The following BDP1 variants were observed in gnomAD, a reference collection of about 807,000 sequenced individuals.
The protein encoded by BDP1 is BDP1 general transcription factor IIIB subunit.
In BDP1, 169 loss-of-function variants were observed where a neutral mutation model predicts 266.6. The ratio of observed to expected loss-of-function variants is 0.63; its 90% CI spans 0.56 to 0.72. The LOEUF is 0.72. Among genes scored for constraint, BDP1 ranks in the 30% least tolerant of loss-of-function variants. The pLI, the probability that BDP1 is intolerant of heterozygous loss-of-function variation, is 0.00. For missense variants in BDP1, 3,015 were observed against 3,053.8 expected (o/e 0.99, Z 0.30); for synonymous variants, 1,090 against 1,022.4 (o/e 1.07, Z -1.26).
At chr5:71,499,954 C>G (rs1764128656) in intron 13 of BDP1, among the ~76,000 whole-genome samples, 1 of 152,044 alleles carries the variant, frequency 6.6e-6, no homozygotes, top group African/African-American at 2.4e-5. Flanking sequence ...ATTTTTATTA[C>G]TTTAAAAAAT....
intron 35 of BDP1, among the ~76,000 whole-genome samples, 183 bp downstream of exon 35, chr5:71,553,503 A>G (rs758316043): frequency 6.6e-6 from 1 of 152,310 alleles, no homozygotes; most frequent in East Asian, 1.9e-4. Flanking sequence ...CTTTTAACCA[A>G]TGGTAAATGA....
Position 71,564,955 on chromosome 5 carries a change from A to C in BDP1, c.*70A>C. 7.3e-7 allele frequency: 1 copy of C among 1,372,870 alleles called. No homozygotes were observed. Among genetic ancestry groups the C allele is most frequent in the South Asian group, 1.4e-5 (1 of 70,882 alleles). The allele number at this position is 1,372,870 out of a possible 1,614,324, so 85.0% of individuals were successfully genotyped here. On this transcript the variant is annotated 3_prime_UTR_variant, in exon 39 of 39. Coordinates refer to ENST00000358731, the MANE Select transcript of BDP1 (RefSeq NM_018429.3). ...CCAGAGTCAATTACATCAACAAAACAGTATTTAGAGCAAAATATCACTGTC... is the reference window on the plus strand; with the variant it reads ...CCAGAGTCAATTACATCAACAAAACCGTATTTAGAGCAAAATATCACTGTC...
At chr5:71,549,349 T>C in intron 33 of BDP1, 71 bp from the exon 34 acceptor site, 1 of 1,219,782 alleles carries the variant, frequency 8.2e-7, no homozygotes, top group Non-Finnish European at 1.1e-6. Flanking sequence ...TTTTTAGAAA[T>C]GAAATAAATT....
At chr5:71,530,290 A>G (rs1266787394) in intron 25 of BDP1, among the ~76,000 whole-genome samples, 1 of 151,858 alleles carries the variant, frequency 6.6e-6, no homozygotes, top group Non-Finnish European at 1.5e-5. Context: ...GCTGGAGTGC[A>G]GTGGCATGAT....
chr5:71,575,457 G>A, the BDP1 span, among the ~76,000 whole-genome samples: 1 of 152,180 alleles, frequency 6.6e-6, no homozygotes, highest in South Asian at 2.1e-4. Context: ...ACACATAGAG[G>A]AGTCAGTTAG....
intron 13 of BDP1, 64 bp downstream of exon 13, chr5:71,497,490 A>C (rs1266705502): frequency 1.5e-6 from 2 of 1,328,166 alleles, no homozygotes; most frequent in Non-Finnish European, 2.1e-6. Context: ...AGTTGGGAAT[A>C]AAAGTTGTTG....
chr5:71,468,258 G>A (rs12658383), intron 6 of BDP1, among the ~76,000 whole-genome samples: 68,141 of 151,600 alleles, frequency 0.45, 15,648 homozygotes, highest in South Asian at 0.55. Flanking sequence ...ACCTCAGGTG[G>A]TCTGCTCACC....
rs1273223469 is a variant in BDP1, at chr5:71,486,549, GAGAAA to G, written c.1142_1146del (p.Arg381ThrfsTer5). On this transcript the variant is annotated frameshift_variant, in exon 9 of 39. Coordinates refer to ENST00000358731, the MANE Select transcript of BDP1 (RefSeq NM_018429.3). LOFTEE classifies it high-confidence loss of function. ...GCTTCAGAAAGTTCTTGCTGAAGAA[GAGAAA>G]AGAAAACAAAAATCTGTTAAAAATC... 5.8e-6 allele frequency: 9 copies of G among 1,542,404 alleles called. No individual in the cohort carries two copies. The highest frequency in any genetic ancestry group is 2.5e-5 in the Admixed American group (1 of 40,518).
At chr5:71,576,163 A>G in the BDP1 span, among the ~76,000 whole-genome samples, 6 of 152,308 alleles carry the variant, frequency 3.9e-5, no homozygotes, top group African/African-American at 9.6e-5. Flanking sequence ...TATCCTGTGC[A>G]GTATGTTTTT....
intron 31 of BDP1, 44 bp from the exon 32 acceptor site, chr5:71,544,995 A>G: frequency 6.3e-7 from 1 of 1,585,158 alleles, no homozygotes; most frequent in Non-Finnish European, 8.6e-7. Flanking sequence ...TAATTCCATG[A>G]TTTGCCTGAT....
At position 71,527,332 on chromosome 5, in the gene BDP1, G is replaced by A. The variant is rs542572395; in HGVS notation, c.5772+3009G>A. ...GTCCCTTGAGCCCCATCTCTATGCCGTCTGGCCTGGTCACTCTCAGGTCTG... is the reference window on the plus strand; with the variant it reads ...GTCCCTTGAGCCCCATCTCTATGCCATCTGGCCTGGTCACTCTCAGGTCTG... On this transcript the variant is annotated intron_variant, in intron 25 of 38. Coordinates refer to ENST00000358731, the MANE Select transcript of BDP1 (RefSeq NM_018429.3). Among the ~76,000 whole-genome samples, 174 of 152,190 alleles carry A rather than the reference G, an allele frequency of 1.1e-3. 2 individuals carry two copies. Among genetic ancestry groups the A allele is most frequent in the African/African-American group, 3.5e-3 (147 of 41,538 alleles).
chr5:71,486,425 A>T, intron 8 of BDP1, 59 bp from the exon 9 acceptor site: 1 of 1,429,872 alleles, frequency 7.0e-7, no homozygotes, highest in East Asian at 2.6e-5. Flanking sequence ...ATACTTTAAA[A>T]GCTAGAAGTA....
chr5:71,571,485 G>C (rs468832), downstream of BDP1, among the ~76,000 whole-genome samples: 67,611 of 151,968 alleles, frequency 0.44, 15,421 homozygotes, highest in South Asian at 0.55. Context: ...AGGGACAACT[G>C]TGAATCCATT....
At chr5:71,512,795 C>T (rs1764998502) in intron 18 of BDP1, among the ~76,000 whole-genome samples, 1 of 152,044 alleles carries the variant, frequency 6.6e-6, no homozygotes, top group African/African-American at 2.4e-5. Context: ...TGGCTCACAC[C>T]TGTAATCCTA....
At position 71,476,164 on chromosome 5, in the gene BDP1, C is replaced by T. The variant is rs1014233607; in HGVS notation, c.1014+5675C>T. ...CCTAATTTGATGAGTTCTAAAAGAA[C>T]TGGCAGCTTTGAGAAAACACATCTT... is the stretch of plus-strand genomic sequence containing the variant. On this transcript the variant is annotated intron_variant, in intron 7 of 38. Transcript: ENST00000358731. 3 of 153,834 alleles carry T rather than the reference C, an allele frequency of 2.0e-5. No individual in the cohort carries two copies. In the Admixed American group the frequency reaches 2.0e-4, roughly 10 times the overall value. The allele number at this position is 153,834 out of a possible 1,614,324, so 9.5% of individuals were successfully genotyped here. A position where few individuals can be genotyped will look rare whatever the true frequency, so the allele number is the denominator to read the frequency against.
rs757283128 is a variant in BDP1, at chr5:71,542,253, G to T, written c.6400G>T (p.Glu2134Ter). 3.1e-6 allele frequency: 5 copies of T among 1,608,354 alleles called. No homozygotes were observed. Residue 2134 changes from glutamate (E) to a stop codon, truncating the protein, a stop_gained, in exon 30 of 39, where the codon GAA (glutamate) becomes TAA (stop). Transcript: ENST00000358731. LOFTEE classifies it high-confidence loss of function. ...SLCVTKGAEM[E>*]TQRETEKNAS... ...GTGTGTAACCAAAGGGGCAGAAATG[G>T]AAACTCAAAGAGGTAAATTTTATTC...
intron 10 of BDP1, 58 bp downstream of exon 10, chr5:71,489,740 A>G: frequency 7.6e-6 from 11 of 1,446,200 alleles, no homozygotes; most frequent in Non-Finnish European, 2.8e-6. Context: ...ATGTACAGTA[A>G]TATGGTATGT....
At position 71,506,995 on chromosome 5, in the gene BDP1, A is replaced by G. The variant is rs982679272; in HGVS notation, c.2372+2244A>G. ...GCCACCACATCTGGCTAATTTTTAA[A>G]TTTTTTTGTAGAGACAGGGTTTCGC... is the stretch of plus-strand genomic sequence containing the variant. On this transcript the variant is annotated intron_variant, in intron 16 of 38. Transcript: ENST00000358731. Among the ~76,000 whole-genome samples, 4 of 151,800 alleles carry G rather than the reference A, an allele frequency of 2.6e-5. No individual in the cohort carries two copies. The East Asian group carries it at 5.8e-4, about 22-fold the overall frequency.
At chr5:71,560,659 AAG>A (rs1438683609) in intron 37 of BDP1, among the ~76,000 whole-genome samples, 1 of 152,168 alleles carries the variant, frequency 6.6e-6, no homozygotes, top group Non-Finnish European at 1.5e-5. Context: ...TTCTCCCCAT[AAG>A]AATAAGTGTT....
Sources: gnomAD v4.1 joint callset for allele counts (sites outside exome capture counted in the v4.1 genomes callset) on GRCh38, gnomAD v4.1.1 for gene constraint, MANE v1.5 for transcripts, NCBI Gene and HGNC (gene_info 2026-07-23, HGNC 2026-07-21) for gene names.